Variants in NCAM2 observed in about 807,000 individuals in gnomAD.
NCAM2 encodes N-CAM-2.
NCAM2 carries 30 observed loss-of-function variants against 98.1 expected under a neutral mutation model. The ratio of observed to expected loss-of-function variants is 0.31; its 90% CI spans 0.23 to 0.41. The LOEUF is 0.41. Among genes scored for constraint, NCAM2 ranks in the 10% least tolerant of loss-of-function variants. The pLI, the probability that NCAM2 is intolerant of heterozygous loss-of-function variation, is 1.00. For missense variants in NCAM2, 867 were observed against 1,005.8 expected, an observed-to-expected ratio of 0.86 and a Z score of 1.87; for synonymous variants, 368 against 342.4, an observed-to-expected ratio of 1.07 and a Z score of -0.83.
intron 1 of NCAM2, among the ~76,000 whole-genome samples, chr21:21,091,110 G>A (rs577895291): frequency 2.0e-4 from 30 of 152,188 alleles, no homozygotes; most frequent in African/African-American, 6.3e-4. Flanking sequence ...TCGATGCTTG[G>A]CACATACATA....
At chr21:21,423,765 C>A (rs2077160134) in intron 11 of NCAM2, among the ~76,000 whole-genome samples, 1 of 152,054 alleles carries the variant, frequency 6.6e-6, no homozygotes, top group African/African-American at 2.4e-5. Context: ...GAAACCCTGT[C>A]AAATTCAATA....
intron 1 of NCAM2, among the ~76,000 whole-genome samples, chr21:21,168,647 A>G (rs745556217): frequency 2.0e-5 from 3 of 151,908 alleles, no homozygotes; most frequent in Admixed American, 6.6e-5. Flanking sequence ...ACTTTCTTAC[A>G]TATTAGCAAT....
intron 1 of NCAM2, among the ~76,000 whole-genome samples, chr21:21,055,846 G>GAA (rs1239214375): frequency 6.6e-6 from 1 of 152,020 alleles, no homozygotes; most frequent in Non-Finnish European, 1.5e-5. Flanking sequence ...AGTGAAAGAG[G>GAA]AAACATGTAA....
chr21:21,466,985 T>C (rs898397), intron 13 of NCAM2, among the ~76,000 whole-genome samples: 78,430 of 151,802 alleles, frequency 0.52, 21,094 homozygotes, highest in Non-Finnish European at 0.56. Flanking sequence ...ATTGCAAAAG[T>C]GTCCTTCTTA....
At chr21:21,358,618 T>A (rs2075560775) in intron 8 of NCAM2, among the ~76,000 whole-genome samples, 1 of 152,070 alleles carries the variant, frequency 6.6e-6, no homozygotes, top group African/African-American at 2.4e-5. Flanking sequence ...ATGACTCATG[T>A]CTTCCTAATC....
At chr21:21,075,405 C>G (rs978521587) in intron 1 of NCAM2, among the ~76,000 whole-genome samples, 1 of 152,042 alleles carries the variant, frequency 6.6e-6, no homozygotes, top group Non-Finnish European at 1.5e-5. Context: ...TGCAACAAAG[C>G]TGATTTGATT....
At chr21:21,284,017 G>T (rs1361971843) in intron 2 of NCAM2, among the ~76,000 whole-genome samples, 177 bp from the exon 3 acceptor site, 1 of 151,888 alleles carries the variant, frequency 6.6e-6, no homozygotes, top group African/African-American at 2.4e-5. Flanking sequence ...ATAAACAAAG[G>T]TGAACATTTG....
Position 21,305,242 on chromosome 21 carries a change from C to T in NCAM2, c.619+13001C>T, listed in dbSNP as rs1181511553. ...CTGAGGCATGAGAATTGCTTGAACACGGGAGGTGGAGGTTGCGGTGAGCCA... is the reference window on the plus strand; with the variant it reads ...CTGAGGCATGAGAATTGCTTGAACATGGGAGGTGGAGGTTGCGGTGAGCCA... On this transcript the variant is annotated intron_variant, in intron 5 of 17. Transcript: ENST00000400546. Among the ~76,000 whole-genome samples, 10 of 152,186 alleles carry T rather than the reference C, an allele frequency of 6.6e-5. No homozygotes were observed. The East Asian group carries it at 1.5e-3, about 24-fold the overall frequency.
intron 11 of NCAM2, among the ~76,000 whole-genome samples, chr21:21,425,360 T>A (rs1427031469): frequency 6.6e-6 from 1 of 152,176 alleles, no homozygotes; most frequent in Non-Finnish European, 1.5e-5. Flanking sequence ...CTTCAAAATT[T>A]TTTTCTGGCT....
intron 8 of NCAM2, among the ~76,000 whole-genome samples, chr21:21,350,607 A>T (rs2075308546): frequency 6.6e-6 from 1 of 152,170 alleles, no homozygotes; most frequent in South Asian, 2.1e-4. Context: ...GCTTTGCATA[A>T]TGTGATATCC....
In NCAM2 at chr21:21,432,145, G is replaced by T. The variant is rs761992423; in HGVS notation, c.1518G>T (p.Glu506Asp). The T allele has an allele frequency of 4.3e-6, 7 of 1,613,942 alleles. No homozygotes were observed. Among genetic ancestry groups the T allele is most frequent in the Non-Finnish European group, 5.9e-6 (7 of 1,179,970 alleles). ...PSSPYGVKII[E>D]LSQTTAKVSF... ...GTCCCTATGGAGTGAAGATCATAGA[G>T]CTGTCGCAGACCACGGCCAAGGTTT... The change falls in exon 12 of 18, where the codon GAG becomes GAT. Residue 506 changes from glutamate (E) to aspartate (D), a missense_variant. Physicochemically the swap from Glu to Asp is conservative, Grantham distance 45. Coordinates refer to ENST00000400546, the MANE Select transcript of NCAM2 (RefSeq NM_004540.5).
intron 13 of NCAM2, among the ~76,000 whole-genome samples, chr21:21,467,817 A>T (rs888565163): frequency 1.3e-5 from 2 of 151,932 alleles, no homozygotes; most frequent in Non-Finnish European, 2.9e-5. Flanking sequence ...CCATGATCAC[A>T]CTATGGAACT....
intron 1 of NCAM2, among the ~76,000 whole-genome samples, chr21:21,108,547 T>A (rs1895386317): frequency 6.6e-6 from 1 of 152,056 alleles, no homozygotes; most frequent in Non-Finnish European, 1.5e-5. Flanking sequence ...AAACATGGAT[T>A]TTAAGGTGAA....
intron 11 of NCAM2, among the ~76,000 whole-genome samples, chr21:21,425,040 CAAAA>C (rs1192128472): frequency 5.6e-3 from 246 of 43,834 alleles, no homozygotes; most frequent in African/African-American, 0.019. Flanking sequence ...CTTCCTCCTC[CAAAA>C]AAAAAAAAAA....
intron 1 of NCAM2, among the ~76,000 whole-genome samples, chr21:21,056,030 A>G (rs966504495): frequency 1.3e-5 from 2 of 152,070 alleles, no homozygotes; most frequent in Non-Finnish European, 2.9e-5. Context: ...TTTATAGTCA[A>G]TAAACTGTTC....
At chr21:21,220,431 G>T (rs1207409548) in intron 1 of NCAM2, among the ~76,000 whole-genome samples, 1 of 152,094 alleles carries the variant, frequency 6.6e-6, no homozygotes, top group Non-Finnish European at 1.5e-5. Flanking sequence ...TTGTAGTCTA[G>T]GGGAAATAGG....
chr21:21,464,900 T>C (rs1430018886), intron 12 of NCAM2, among the ~76,000 whole-genome samples: 1 of 152,126 alleles, frequency 6.6e-6, no homozygotes, highest in African/African-American at 2.4e-5. Flanking sequence ...GCTATGCCAT[T>C]TATCCTTGCA....
chr21:21,379,484 A>G lies in NCAM2; in HGVS notation c.1195+5471A>G, dbSNP rs146747512. On this transcript the variant is annotated intron_variant, in intron 9 of 17. Transcript: ENST00000400546. Reference sequence around the variant, plus strand: ...TTTTTGTTGTGATTCAGCTAAAAATATAATTTTCCATTTGATTTCAACTTT... The same window carrying G: ...TTTTTGTTGTGATTCAGCTAAAAATGTAATTTTCCATTTGATTTCAACTTT... Among the ~76,000 whole-genome samples, 1,378 of 152,210 alleles carry G rather than the reference A, an allele frequency of 9.1e-3. 19 individuals carry two copies. Among genetic ancestry groups the G allele is most frequent in the African/African-American group, 0.031 (1,273 of 41,560 alleles).
intron 1 of NCAM2, among the ~76,000 whole-genome samples, chr21:21,192,657 A>G (rs1171600658): frequency 2.0e-5 from 3 of 152,174 alleles, no homozygotes; most frequent in African/African-American, 7.2e-5. Flanking sequence ...AGGACAGCGT[A>G]ACAAACAAAC....
Sources: allele counts gnomAD v4.1 joint callset (sites outside exome capture counted in the v4.1 genomes callset), GRCh38; gene constraint gnomAD v4.1.1; transcripts MANE v1.5; gene names NCBI Gene and HGNC (gene_info 2026-07-23, HGNC 2026-07-21).